Variants in MGAM2 observed in about 807,000 individuals in gnomAD.
MGAM2 encodes maltase-glucoamylase 2 (putative).
Under a neutral mutation model 96.1 loss-of-function variants are expected in MGAM2, and 98 were observed. That is an observed-to-expected ratio of 1.02 (90% CI 0.87 to 1.21). MGAM2 has a LOEUF of 1.21. MGAM2 is among the 50% of genes most tolerant of loss of function. The pLI is 0.00. For missense variants in MGAM2, 2,055 were observed against 1,182.4 expected, an observed-to-expected ratio of 1.74 and a Z score of -10.82; for synonymous variants, 749 against 414.8, an observed-to-expected ratio of 1.81 and a Z score of -9.79.
chr7:142,150,020 A>C, intron 15 of MGAM2, among the ~76,000 whole-genome samples: 1 of 149,052 alleles, frequency 6.7e-6, no homozygotes, highest in East Asian at 2.0e-4. Flanking sequence ...CAGCACAATG[A>C]AACCTCCGCC....
In MGAM2 at chr7:142,183,221, G is replaced by C. The variant is rs999414825; in HGVS notation, c.3817-45G>C. 3 of 675,584 alleles carry C rather than the reference G, an allele frequency of 4.4e-6. No homozygotes were observed. In the African/African-American group the frequency reaches 5.3e-5, roughly 12 times the overall value. 41.8% of individuals were successfully genotyped at this position (675,584 alleles called of 1,614,324 possible). On this transcript the variant is annotated intron_variant, in intron 32 of 47. Transcript: ENST00000477922. Reference sequence around the variant, plus strand: ...AAATTTTTGGAGAGAAATTTTCTTAGAGATGTTTTCCTCACATTTGCTGTT... The same window carrying C: ...AAATTTTTGGAGAGAAATTTTCTTACAGATGTTTTCCTCACATTTGCTGTT...
chr7:142,194,779 C>T (rs1266103069), intron 37 of MGAM2, among the ~76,000 whole-genome samples: 1 of 146,912 alleles, frequency 6.8e-6, no homozygotes, highest in African/African-American at 2.5e-5. Flanking sequence ...TGGAAATAAC[C>T]CAAATGGATT....
chr7:142,186,832 C>G (rs1796714310), intron 35 of MGAM2, among the ~76,000 whole-genome samples: 1 of 152,178 alleles, frequency 6.6e-6, no homozygotes, highest in African/African-American at 2.4e-5. Context: ...ACCACCCGCA[C>G]CTTTGAGATA....
chr7:142,145,133 C>T (rs548328991), intron 14 of MGAM2, among the ~76,000 whole-genome samples, 188 bp downstream of exon 14: 10 of 152,264 alleles, frequency 6.6e-5, no homozygotes, highest in African/African-American at 1.7e-4. Context: ...TGTCATAACT[C>T]CAGGGCAAGC....
intron 23 of MGAM2, among the ~76,000 whole-genome samples, chr7:142,163,526 C>T (rs984010625): frequency 1.1e-4 from 16 of 152,302 alleles, no homozygotes; most frequent in Middle Eastern, 3.4e-3. Flanking sequence ...ATGATCCGCC[C>T]GCCTCACCTT....
Position 142,204,445 on chromosome 7 carries a change from A to G in MGAM2, c.5138-4128A>G, listed in dbSNP as rs371833620. Among the ~76,000 whole-genome samples the G allele has an allele frequency of 1.1e-3, 165 of 152,130 alleles. 2 individuals are homozygous for G. The South Asian group carries it at 0.029, about 27-fold the overall frequency. ...GTTCAGTCTTTGGACTTGCTTTTTA[A>G]CATAATCTGATAAGAAGCTCTAGGA... On this transcript the variant is annotated intron_variant, in intron 45 of 47. Transcript: ENST00000477922.
intron 17 of MGAM2, among the ~76,000 whole-genome samples, chr7:142,156,118 C>A (rs1795728537): frequency 6.6e-6 from 1 of 151,278 alleles, no homozygotes; most frequent in African/African-American, 2.4e-5. Context: ...GCACTTCAGC[C>A]TGGGCAACGA....
At chr7:142,154,586 G>C in intron 16 of MGAM2, 143 bp from the exon 17 acceptor site, 1 of 605,084 alleles carries the variant, frequency 1.7e-6, no homozygotes, top group South Asian at 2.0e-5. Flanking sequence ...CCTTTGGCTG[G>C]GAGTGTGCCC....
rs186210819 is a variant in MGAM2, at chr7:142,196,325, G to C, written c.4480+38G>C. ...ATTCCCAGGGGCCTGTGCTGGCAGG[G>C]AGGGCACTGGAGTTTGTGCTGTTCA... On this transcript the variant is annotated intron_variant, in intron 38 of 47. Coordinates refer to ENST00000477922, the MANE Select transcript of MGAM2 (RefSeq NM_001293626.2). 4.3e-6 allele frequency: 3 copies of C among 693,686 alleles called. No homozygotes were observed. In the Admixed American group the frequency reaches 6.1e-5, roughly 14 times the overall value. The allele number at this position is 693,686 out of a possible 1,614,324, so 43.0% of individuals were successfully genotyped here.
rs866404483 is a variant in MGAM2 at position 142,132,786 on chromosome 7, T to A, written c.575+701T>A. ...TATAATTATATAATATAATATATAATTACATGTCATATAATTATGTATAAT... is the reference window on the plus strand; with the variant it reads ...TATAATTATATAATATAATATATAAATACATGTCATATAATTATGTATAAT... On this transcript the variant is annotated intron_variant, in intron 6 of 47. Transcript: ENST00000477922. 1.4e-4 allele frequency among the ~76,000 whole-genome samples: 17 copies of A among 125,898 alleles called. No individual in the cohort carries two copies. The South Asian group carries it at 4.0e-3, about 30-fold the overall frequency. 82.6% of individuals were successfully genotyped at this position (125,898 alleles called of 152,430 possible).
intron 1 of MGAM2, among the ~76,000 whole-genome samples, chr7:142,112,991 C>T (rs998734834): frequency 1.1e-4 from 16 of 152,124 alleles, no homozygotes; most frequent in African/African-American, 3.9e-4. Context: ...ACCTGTAGGT[C>T]CTAGTTCCTT....
intron 45 of MGAM2, among the ~76,000 whole-genome samples, chr7:142,207,992 G>A (rs1468544334): frequency 6.6e-6 from 1 of 152,158 alleles, no homozygotes; most frequent in Non-Finnish European, 1.5e-5. Flanking sequence ...TGACGACTTT[G>A]ACGACAGTGA....
intron 6 of MGAM2, among the ~76,000 whole-genome samples, chr7:142,133,161 TAAATATTTAATAC>T (rs1433993022): frequency 1.4e-5 from 2 of 140,466 alleles, no homozygotes; most frequent in African/African-American, 5.2e-5. Context: ...ATATTTAATA[TAAATATTTAATAC>T]ATGTTAATAT....
chr7:142,122,543 A>C (rs1419506906), intron 3 of MGAM2, among the ~76,000 whole-genome samples: 1 of 152,242 alleles, frequency 6.6e-6, no homozygotes, highest in Non-Finnish European at 1.5e-5. Context: ...ACCCCTTAAC[A>C]GGTAATCACT....
rs781278251 is a variant in MGAM2, at chr7:142,189,416, G to A, written c.4257G>A (p.Glu1419=). 58 of 729,366 alleles carry A rather than the reference G, an allele frequency of 8.0e-5. No individual in the cohort carries two copies. In the East Asian group the frequency reaches 1.4e-3, roughly 18 times the overall value. 45.2% of individuals were successfully genotyped at this position (729,366 alleles called of 1,614,324 possible). A position where few individuals can be genotyped will look rare whatever the true frequency, so the allele number is the denominator to read the frequency against. ...TGAGCAGCAAGACTCTGTGCATGGA[G>A]AGTCAGCAGATCCTGCCGGACAGCT... ...KGLSSKTLCM[E]SQQILPDSSP... Residue 1419 remains glutamate, a synonymous_variant, in exon 37 of 48, where the codon GAG becomes GAA. Transcript: ENST00000477922.
intron 31 of MGAM2, 76 bp downstream of exon 31, chr7:142,173,430 G>A: frequency 1.5e-6 from 1 of 666,326 alleles, no homozygotes; most frequent in Middle Eastern, 2.4e-4. Context: ...GAAGTGCTAT[G>A]ATGTTCTTAT....
intron 37 of MGAM2, among the ~76,000 whole-genome samples, chr7:142,193,172 C>T (rs1348155251): frequency 1.3e-5 from 2 of 152,132 alleles, no homozygotes; most frequent in Non-Finnish European, 2.9e-5. Flanking sequence ...CTTGATGTTT[C>T]TCCCTTTACC....
intron 45 of MGAM2, among the ~76,000 whole-genome samples, chr7:142,205,854 C>T (rs1219047046): frequency 6.6e-6 from 1 of 151,934 alleles, no homozygotes; most frequent in African/African-American, 2.4e-5. Context: ...AGCTAAGAAA[C>T]CATTGCACAT....
At chr7:142,171,125 T>C (rs1796171049) in intron 27 of MGAM2, 147 bp from the exon 28 acceptor site, 3 of 683,512 alleles carry the variant, frequency 4.4e-6, no homozygotes, top group Non-Finnish European at 8.1e-6. Context: ...GCCATTGTTA[T>C]GACCTGGGTC....
Sources: allele counts gnomAD v4.1 joint callset (sites outside exome capture counted in the v4.1 genomes callset), GRCh38; gene constraint gnomAD v4.1.1; transcripts MANE v1.5; gene names NCBI Gene and HGNC (gene_info 2026-07-23, HGNC 2026-07-21).